The following KCNIP4 variants were observed in gnomAD, a reference collection of about 807,000 sequenced individuals.
The protein encoded by KCNIP4 is potassium voltage-gated channel interacting protein 4.
In KCNIP4, 12 loss-of-function variants were observed where a neutral mutation model predicts 34.0. The observed-to-expected ratio is 0.35, with a 90% CI of 0.23 to 0.57. The LOEUF is 0.57. Among genes scored for constraint, KCNIP4 ranks in the 20% least tolerant of loss-of-function variants. The pLI is 0.83. For missense variants in KCNIP4, 238 were observed against 311.7 expected (o/e 0.76, Z 1.78); for synonymous variants, 124 against 102.2 (o/e 1.21, Z -1.29).
rs1161168519 is a variant in KCNIP4, at chr4:21,143,691, C to T, written c.62-260982G>A. On this transcript the variant is annotated intron_variant, in intron 1 of 8. Coordinates refer to ENST00000382152, the MANE Select transcript of KCNIP4 (RefSeq NM_025221.6). ...CAATGGACCACTAGGCTTTGTTTAACCACAGCCATCACAGTTTCTTTTTTT... is the reference window on the plus strand; with the variant it reads ...CAATGGACCACTAGGCTTTGTTTAATCACAGCCATCACAGTTTCTTTTTTT... Among the ~76,000 whole-genome samples the T allele has an allele frequency of 2.0e-5, 3 of 149,180 alleles. No individual in the cohort carries two copies. In the South Asian group the frequency reaches 6.5e-4, roughly 32 times the overall value.
intron 3 of KCNIP4, among the ~76,000 whole-genome samples, chr4:20,820,303 C>T (rs1416235162): frequency 6.6e-6 from 1 of 152,126 alleles, no homozygotes; most frequent in Non-Finnish European, 1.5e-5. Context: ...TATAAAGTGG[C>T]AAATAACTTG....
intron 3 of KCNIP4, among the ~76,000 whole-genome samples, chr4:20,828,404 C>T (rs1026421969): frequency 1.3e-5 from 2 of 152,066 alleles, no homozygotes; most frequent in Admixed American, 6.6e-5. Flanking sequence ...TCCAGCCTGG[C>T]GACAGAGCAA....
chr4:21,916,026 C>T lies in KCNIP4; in HGVS notation c.61+32545G>A, dbSNP rs557555020. On this transcript the variant is annotated intron_variant, in intron 1 of 8. Coordinates refer to ENST00000382152, the MANE Select transcript of KCNIP4 (RefSeq NM_025221.6). The stretch of plus-strand genomic sequence containing the variant: ...TCCCAGCCACACAGCTTTTCGTTTC[C>T]AGTTGCTTCAGATGGTATAATTCGC... Among the ~76,000 whole-genome samples the T allele has an allele frequency of 3.9e-5, 6 of 152,216 alleles. No homozygotes were observed. In the East Asian group the frequency reaches 7.7e-4, roughly 20 times the overall value.
intron 1 of KCNIP4, among the ~76,000 whole-genome samples, chr4:21,623,616 T>G: frequency 6.6e-6 from 1 of 152,210 alleles, no homozygotes; most frequent in Non-Finnish European, 1.5e-5. Context: ...ACTCTCAAAG[T>G]TCTTTTCAAT....
At position 21,296,408 on chromosome 4, in the gene KCNIP4, CTTT is replaced by C. The variant is rs201961246; in HGVS notation, c.62-413702_62-413700del. ...TGAGCTGTGGTCTCTCTCTCTCTCT[CTTT>C]TTTTTTTTGATGGAAAGATGATGGT... On this transcript the variant is annotated intron_variant, in intron 1 of 8. Coordinates refer to ENST00000382152, the MANE Select transcript of KCNIP4 (RefSeq NM_025221.6). 3.4e-5 allele frequency among the ~76,000 whole-genome samples: 5 copies of C among 144,946 alleles called. No individual in the cohort carries two copies. In the South Asian group the frequency reaches 1.1e-3, roughly 32 times the overall value.
intron 1 of KCNIP4, among the ~76,000 whole-genome samples, chr4:21,480,702 T>C (rs1365661932): frequency 6.6e-6 from 1 of 152,084 alleles, no homozygotes; most frequent in African/African-American, 2.4e-5. Context: ...ATAAAACACA[T>C]AGAATATGTC....
chr4:21,643,913 T>TAGAC (rs1553915316), intron 1 of KCNIP4, among the ~76,000 whole-genome samples: 91 of 141,044 alleles, frequency 6.5e-4, no homozygotes, highest in African/African-American at 2.1e-3. Flanking sequence ...GATAGATAGA[T>TAGAC]AGACTGGCAG....
intron 1 of KCNIP4, among the ~76,000 whole-genome samples, chr4:21,484,717 T>C (rs188643357): frequency 6.7e-4 from 102 of 152,308 alleles, no homozygotes; most frequent in East Asian, 7.7e-4. Context: ...CTAGAAAGTC[T>C]GTCCTGGCCC....
At chr4:21,291,866 AAAAAGAAAGAAAGAAAGAAAGAAAGAAAG>A (rs1417801445) in intron 1 of KCNIP4, among the ~76,000 whole-genome samples, 1,722 of 61,900 alleles carry the variant, frequency 0.028, 143 homozygotes, top group African/African-American at 0.035. Flanking sequence ...AAAAAAAAAA[AAAAAGAAAGAAAGAAAGAAAGAAAGAAAG>A]AAAGAAAGAA....
chr4:21,736,835 G>T (rs780139030), intron 1 of KCNIP4, among the ~76,000 whole-genome samples: 1 of 152,058 alleles, frequency 6.6e-6, no homozygotes, highest in Non-Finnish European at 1.5e-5. Flanking sequence ...AAAAGCTTGC[G>T]CTCAATGTAT....
chr4:21,444,911 A>C lies in KCNIP4; in HGVS notation c.61+503660T>G, dbSNP rs575989490. Among the ~76,000 whole-genome samples, 14 of 152,336 alleles carry C rather than the reference A, an allele frequency of 9.2e-5. No individual in the cohort carries two copies. In the East Asian group the frequency reaches 2.1e-3, roughly 23 times the overall value. On this transcript the variant is annotated intron_variant, in intron 1 of 8. Coordinates refer to ENST00000382152, the MANE Select transcript of KCNIP4 (RefSeq NM_025221.6). ...CAGCCCCAAATCTCCTTAAGCTGAT[A>C]AGCAACTTCAGCAGTCTCAGGATAC...
At chr4:21,239,730 G>A (rs1300448881) in intron 1 of KCNIP4, among the ~76,000 whole-genome samples, 3 of 152,168 alleles carry the variant, frequency 2.0e-5, no homozygotes, top group Non-Finnish European at 4.4e-5. Context: ...AACAACAGGT[G>A]CTGGAGAGGA....
chr4:21,330,241 A>G (rs1221886466), intron 1 of KCNIP4, among the ~76,000 whole-genome samples: 1 of 152,188 alleles, frequency 6.6e-6, no homozygotes, highest in Admixed American at 6.5e-5. Flanking sequence ...AGTGAGAATC[A>G]TTTCTTACAA....
At position 20,732,805 on chromosome 4, in the gene KCNIP4, C is replaced by T. The variant is rs757558424; in HGVS notation, c.538-20G>A. On this transcript the variant is annotated intron_variant, in intron 6 of 8. Coordinates refer to ENST00000382152, the MANE Select transcript of KCNIP4 (RefSeq NM_025221.6). ...CATTTCCTGAAAAATAAAAGGCACTCACGTGAGGCTGCACACATGTATGAA... is the reference window on the plus strand; with the variant it reads ...CATTTCCTGAAAAATAAAAGGCACTTACGTGAGGCTGCACACATGTATGAA... The T allele has an allele frequency of 1.4e-6, 2 of 1,400,172 alleles. No homozygotes were observed. Among genetic ancestry groups the T allele is most frequent in the Admixed American group, 3.4e-5 (2 of 59,490 alleles). The allele number at this position is 1,400,172 out of a possible 1,614,324, so 86.7% of individuals were successfully genotyped here. A position where few individuals can be genotyped will look rare whatever the true frequency, so the allele number is the denominator to read the frequency against.
chr4:21,752,060 G>A (rs1717186454), intron 1 of KCNIP4, among the ~76,000 whole-genome samples: 1 of 152,224 alleles, frequency 6.6e-6, no homozygotes, highest in East Asian at 1.9e-4. Context: ...TCTCATATGA[G>A]ATTCCACAAA....
At chr4:21,724,229 TAC>T (rs57834422) in intron 1 of KCNIP4, among the ~76,000 whole-genome samples, 3,505 of 152,156 alleles carry the variant, frequency 0.023, 116 homozygotes, top group African/African-American at 0.081. Flanking sequence ...GCCAATGAGG[TAC>T]AGACTAAGAG....
chr4:21,727,463 A>G (rs1439466614), intron 1 of KCNIP4, among the ~76,000 whole-genome samples: 2 of 152,108 alleles, frequency 1.3e-5, no homozygotes, highest in African/African-American at 2.4e-5. Flanking sequence ...AGTAAATTAT[A>G]TATAATTTAT....
chr4:21,519,708 A>ATGTGTATATACACACGTGTGTG (rs1329991750), intron 1 of KCNIP4, among the ~76,000 whole-genome samples: 1 of 131,176 alleles, frequency 7.6e-6, no homozygotes. Context: ...GTGTGTATGT[A>ATGTGTATATACACACGTGTGTG]TGTGTATATA....
chr4:20,832,189 A>T (rs1437153933), intron 3 of KCNIP4, among the ~76,000 whole-genome samples: 1 of 151,986 alleles, frequency 6.6e-6, no homozygotes, highest in African/African-American at 2.4e-5. Context: ...GATTATTATT[A>T]TTTTTTTCCT....
Sources: gnomAD v4.1 joint callset for allele counts (sites outside exome capture counted in the v4.1 genomes callset) on GRCh38, gnomAD v4.1.1 for gene constraint, MANE v1.5 for transcripts, NCBI Gene and HGNC (gene_info 2026-07-23, HGNC 2026-07-21) for gene names.